Variants in HK1 observed in about 807,000 individuals in gnomAD.
HK1 encodes hexokinase 1, also known as hexokinase-1.
A neutral mutation model predicts 91.6 loss-of-function variants in HK1; 28 were observed. The observed-to-expected ratio is 0.31, with a 90% CI of 0.23 to 0.42. The LOEUF (loss-of-function observed/expected upper bound fraction) is 0.42, where lower values mean the gene tolerates loss of function less well. Among genes scored for constraint, HK1 ranks in the 10% least tolerant of loss-of-function variants. The pLI is 1.00. For synonymous variants in HK1, 430 were observed against 468.1 expected (o/e 0.92, Z 1.05); for missense variants, 770 against 1,219.8 (o/e 0.63, Z 5.49).
At chr10:69,399,709 A>G (rs545674116) in intron 17 of HK1, among the ~76,000 whole-genome samples, 2 of 152,146 alleles carry the variant, frequency 1.3e-5, no homozygotes, top group Admixed American at 6.5e-5. Context: ...TGTGATTGTG[A>G]TCCACCGCAT....
intron 1 of HK1, among the ~76,000 whole-genome samples, chr10:69,336,193 T>G (rs1188492578): frequency 2.0e-5 from 3 of 152,216 alleles, no homozygotes; most frequent in Non-Finnish European, 4.4e-5. Flanking sequence ...TATTGCTTCT[T>G]TTTTGTTGTT....
intron 5 of HK1, among the ~76,000 whole-genome samples, chr10:69,302,658 G>A (rs1048627454): frequency 3.3e-5 from 5 of 151,528 alleles, no homozygotes; most frequent in Non-Finnish European, 5.9e-5. Flanking sequence ...GGGAGGCTGA[G>A]GTGGGAGGAT....
intron 2 of HK1, among the ~76,000 whole-genome samples, chr10:69,287,831 G>A (rs958710251): frequency 6.6e-6 from 1 of 152,084 alleles, no homozygotes; most frequent in African/African-American, 2.4e-5. Flanking sequence ...AAAAGTTATA[G>A]GGTGAGATTT....
rs192393438 is a variant in HK1, at chr10:69,369,795, G to A, written c.875+171G>A. On this transcript the variant is annotated intron_variant, in intron 7 of 17. Coordinates refer to ENST00000359426, the MANE Select transcript of HK1 (RefSeq NM_000188.3). This position sits in a 1 kb window ranked among gnomAD's most constrained non-coding sequence, Gnocchi z 4.4. ...GCTCTGTCACCCAGGCTGGAGTGCA[G>A]TGGCTCAATCTCAGCTCATTGCAAC... is the stretch of plus-strand genomic sequence containing the variant. Among the ~76,000 whole-genome samples, 2 of 152,270 alleles carry A rather than the reference G, an allele frequency of 1.3e-5. No individual in the cohort carries two copies. The highest frequency in any genetic ancestry group is 2.9e-5 in the Non-Finnish European group (2 of 68,018).
At chr10:69,395,469 T>G (rs1840091700) in intron 16 of HK1, among the ~76,000 whole-genome samples, 1 of 152,100 alleles carries the variant, frequency 6.6e-6, no homozygotes. Flanking sequence ...TCCCAGCTAC[T>G]TGGGAGGCTG....
At chr10:69,276,110 A>T (rs373086480) in intron 1 of HK1, among the ~76,000 whole-genome samples, 1,274 of 45,216 alleles carry the variant, frequency 0.028, 57 homozygotes, top group East Asian at 0.082. Context: ...AAAAAAAAAA[A>T]AAAAAAAAAT....
intron 1 of HK1, among the ~76,000 whole-genome samples, chr10:69,335,403 C>T (rs1032331102): frequency 5.3e-5 from 8 of 152,212 alleles, no homozygotes; most frequent in Admixed American, 1.3e-4. Flanking sequence ...ACTGGAGTGG[C>T]GTGCTTTTGG....
intron 1 of HK1, among the ~76,000 whole-genome samples, chr10:69,276,138 T>TATATATATATATATATATATATATATAC (rs753204633): frequency 2.6e-5 from 2 of 76,428 alleles, no homozygotes; most frequent in Admixed American, 2.1e-4. Context: ...TATATATATA[T>TATATATATATATATATATATATATATAC]ACACATATAT....
At chr10:69,283,637 C>T (rs1844874063) in intron 2 of HK1, among the ~76,000 whole-genome samples, 2 of 150,412 alleles carry the variant, frequency 1.3e-5, no homozygotes, top group South Asian at 4.2e-4. Flanking sequence ...AAAAATTAGC[C>T]AGGCATGGTG....
At chr10:69,291,424 G>C (rs557307566) in intron 3 of HK1, among the ~76,000 whole-genome samples, 2 of 152,306 alleles carry the variant, frequency 1.3e-5, no homozygotes, top group East Asian at 3.9e-4. Flanking sequence ...GTCAATCCAT[G>C]ATCTTTATTG....
At position 69,376,958 on chromosome 10, in the gene HK1, G is replaced by A; in HGVS notation, c.900G>A (p.Met300Ile). Reference sequence around the variant, plus strand: ...GGTTTGAGAAGATGGTCAGTGGCATGTACTTGGGAGAGCTGGTTCGACTGA... The same window carrying A: ...GGTTTGAGAAGATGGTCAGTGGCATATACTTGGGAGAGCTGGTTCGACTGA... ...KQLFEKMVSG[M>I]YLGELVRLIL... The change falls in exon 8 of 18, where the codon ATG becomes ATA. Residue 300 changes from methionine (M) to isoleucine (I), a missense_variant. Physicochemically the swap from Met to Ile is conservative, Grantham distance 10 (BLOSUM62 1). Coordinates refer to ENST00000359426, the MANE Select transcript of HK1 (RefSeq NM_000188.3). The A allele has an allele frequency of 6.2e-7, 1 of 1,614,226 alleles. No individual in the cohort carries two copies. The highest frequency in any genetic ancestry group is 8.5e-7 in the Non-Finnish European group (1 of 1,180,048).
chr10:69,304,786 T>C (rs778070738), intron 5 of HK1, among the ~76,000 whole-genome samples: 59 of 152,208 alleles, frequency 3.9e-4, no homozygotes, highest in Non-Finnish European at 6.0e-4. Context: ...GGAGTTGGGA[T>C]AAGCTGAGCT....
At chr10:69,334,913 C>T (rs780180378) in intron 1 of HK1, among the ~76,000 whole-genome samples, 2 of 152,070 alleles carry the variant, frequency 1.3e-5, no homozygotes, top group Non-Finnish European at 2.9e-5. Context: ...ATGGCATGTG[C>T]TCCTGAGAAG....
intron 4 of HK1, among the ~76,000 whole-genome samples, chr10:69,298,357 G>A (rs956512259): frequency 4.0e-5 from 6 of 151,836 alleles, no homozygotes; most frequent in African/African-American, 1.5e-4. Context: ...GACAGGTGTA[G>A]TGACTCATAC....
chr10:69,394,263 G>T (rs1301218391), intron 15 of HK1, among the ~76,000 whole-genome samples: 1 of 152,254 alleles, frequency 6.6e-6, no homozygotes, highest in African/African-American at 2.4e-5. Context: ...TTGACCTCCA[G>T]TGTGTTGTGG....
At chr10:69,340,409 C>G (rs1252003840) in intron 1 of HK1, among the ~76,000 whole-genome samples, 3 of 152,088 alleles carry the variant, frequency 2.0e-5, no homozygotes, top group African/African-American at 7.2e-5. Flanking sequence ...ACCACCATGC[C>G]CAGCTAATTT....
rs181787865 is a variant in HK1 at position 69,322,812 on chromosome 10, C to T, written c.63+3802C>T. Among the ~76,000 whole-genome samples, 125 of 151,846 alleles carry T rather than the reference C, an allele frequency of 8.2e-4. No individual in the cohort carries two copies. The Middle Eastern group carries it at 0.01, about 12-fold the overall frequency. On this transcript the variant is annotated intron_variant, in intron 1 of 17. Coordinates refer to ENST00000359426, the MANE Select transcript of HK1 (RefSeq NM_000188.3). ...GGCTGAGGCCGGAGAATCACTTGAA[C>T]CTGGAAGGCAGAGGTTGCGGTGAGC...
Position 69,276,118 on chromosome 10 carries a change from A to AAAAAAAATATATAT in HK1, c.-391+6011_-391+6012insAAAAAATATATATA. Among the ~76,000 whole-genome samples the AAAAAAAATATATAT allele has an allele frequency of 1.6e-3, 63 of 38,266 alleles. 11 individuals are homozygous for AAAAAAAATATATAT. The highest frequency in any genetic ancestry group is 2.5e-3 in the Non-Finnish European group (50 of 19,634). 25.1% of individuals were successfully genotyped at this position (38,266 alleles called of 152,430 possible). Reference sequence around the variant, plus strand: ...AAAAAAAAAAAAAAAAAAAAAAAAAAATACATATATATATATATATACACA... The same window carrying AAAAAAAATATATAT: ...AAAAAAAAAAAAAAAAAAAAAAAAAAAAAAAAATATATATATACATATATATATATATATACACA... On this transcript the variant is annotated intron_variant, in intron 1 of 21. Transcript: ENST00000360289.
At chr10:69,278,953 G>A (rs945271051) in intron 1 of HK1, among the ~76,000 whole-genome samples, 10 of 152,208 alleles carry the variant, frequency 6.6e-5, no homozygotes, top group African/African-American at 2.4e-4. Flanking sequence ...AGAGTGTAGA[G>A]AAGCTGTGAT....
Sources: gnomAD v4.1 joint callset for allele counts (sites outside exome capture counted in the v4.1 genomes callset) on GRCh38, gnomAD v4.1.1 for gene constraint, Gnocchi (gnomAD v3.1) non-coding constraint, MANE v1.5 for transcripts, NCBI Gene and HGNC (gene_info 2026-07-23, HGNC 2026-07-21) for gene names.